Variants in ACBD6 observed in about 807,000 individuals in gnomAD.
ACBD6 encodes acyl-CoA-binding domain-containing protein 6.
Under a neutral mutation model 37.2 loss-of-function variants are expected in ACBD6, and 28 were observed. That is an observed-to-expected ratio of 0.75 (90% CI 0.56 to 1.03). The LOEUF is 1.03. Among genes scored for constraint, ACBD6 ranks in the 50% least tolerant of loss-of-function variants. The pLI is 0.00. For missense variants in ACBD6, 340 were observed against 337.4 expected, an observed-to-expected ratio of 1.01 and a Z score of -0.06; for synonymous variants, 113 against 126.8, an observed-to-expected ratio of 0.89 and a Z score of 0.73.
At chr1:180,299,519 C>T (rs565191117) in intron 7 of ACBD6, among the ~76,000 whole-genome samples, 2 of 152,256 alleles carry the variant, frequency 1.3e-5, no homozygotes, top group African/African-American at 4.8e-5. Context: ...GAGCAGTGAG[C>T]CTTCTGACTC....
chr1:180,357,619 C>T (rs1213793953), intron 6 of ACBD6, among the ~76,000 whole-genome samples: 1 of 152,196 alleles, frequency 6.6e-6, no homozygotes, highest in African/African-American at 2.4e-5. Context: ...TGATCTAAAA[C>T]AAGTGTTTTG....
rs527646926 is a variant in ACBD6 at position 180,465,441 on chromosome 1, C to T, written c.384+26828G>A. The stretch of plus-strand genomic sequence containing the variant: ...AACATCACTGATCATTCGAGAAATG[C>T]AAATCAAATCCACAATAAGATACCA... On this transcript the variant is annotated intron_variant, in intron 3 of 7. Transcript: ENST00000367595. Among the ~76,000 whole-genome samples the T allele has an allele frequency of 6.6e-5, 10 of 152,230 alleles. No homozygotes were observed. The South Asian group carries it at 2.1e-3, about 32-fold the overall frequency.
intron 7 of ACBD6, among the ~76,000 whole-genome samples, chr1:180,304,107 C>T (rs866244587): frequency 6.6e-6 from 1 of 150,804 alleles, no homozygotes; most frequent in South Asian, 2.1e-4. Flanking sequence ...GGACGTATCT[C>T]ATAATAATAA....
At chr1:180,277,767 CAACT>C (rs1383893389) in intron 9 of ACBD6, 1 of 151,720 alleles carries the variant, frequency 6.6e-6, no homozygotes. Context: ...AAATAAAGAT[CAACT>C]ATCATTGATA....
intron 3 of ACBD6, among the ~76,000 whole-genome samples, chr1:180,437,488 T>C (rs1649092398): frequency 6.6e-6 from 1 of 152,154 alleles, no homozygotes; most frequent in Non-Finnish European, 1.5e-5. Context: ...TCTTCTGTTG[T>C]TGTAGTGGTA....
At chr1:180,434,394 C>T (rs563111126) in intron 3 of ACBD6, among the ~76,000 whole-genome samples, 2 of 152,132 alleles carry the variant, frequency 1.3e-5, no homozygotes, top group Non-Finnish European at 2.9e-5. Flanking sequence ...GGAAATTTTA[C>T]ATTATGTAAA....
intron 3 of ACBD6, among the ~76,000 whole-genome samples, chr1:180,463,248 A>G (rs1435875616): frequency 6.6e-6 from 1 of 152,228 alleles, no homozygotes; most frequent in East Asian, 1.9e-4. Flanking sequence ...GGATATAGAC[A>G]TAAAACTCAT....
At chr1:180,331,293 C>T (rs822706) in intron 6 of ACBD6, among the ~76,000 whole-genome samples, 40,251 of 151,990 alleles carry the variant, frequency 0.26, 7,869 homozygotes, top group African/African-American at 0.54. Context: ...TCATTTTTGT[C>T]ATAATGTTAC....
chr1:180,304,058 G>C (rs1159485414), intron 7 of ACBD6, among the ~76,000 whole-genome samples: 4 of 150,442 alleles, frequency 2.7e-5, no homozygotes, highest in Non-Finnish European at 4.5e-5. Flanking sequence ...ATTCAACAAC[G>C]CTTCATGCTA....
chr1:180,445,369 T>C (rs1375806754), intron 3 of ACBD6, among the ~76,000 whole-genome samples: 1 of 152,168 alleles, frequency 6.6e-6, no homozygotes, highest in Non-Finnish European at 1.5e-5. Flanking sequence ...TCATAAAAAC[T>C]CTAACATACT....
intron 3 of ACBD6, among the ~76,000 whole-genome samples, chr1:180,475,636 T>C (rs923645573): frequency 7.9e-5 from 12 of 152,148 alleles, no homozygotes; most frequent in Admixed American, 5.2e-4. Context: ...CCTCCCATCC[T>C]GGCCTCCCGA....
At chr1:180,490,643 G>A (rs1173397751) in intron 3 of ACBD6, among the ~76,000 whole-genome samples, 2 of 151,682 alleles carry the variant, frequency 1.3e-5, no homozygotes, top group Non-Finnish European at 2.9e-5. Flanking sequence ...AAAATTAACC[G>A]GGTGTGGTGG....
chr1:180,490,751 A>AGAGTGT (rs1651463069), intron 3 of ACBD6, among the ~76,000 whole-genome samples: 1 of 149,898 alleles, frequency 6.7e-6, no homozygotes, highest in African/African-American at 2.5e-5. Context: ...GCGCCACTGC[A>AGAGTGT]CTCCAGCCTG....
intron 4 of ACBD6, among the ~76,000 whole-genome samples, chr1:180,419,330 T>C (rs1648250315): frequency 6.6e-6 from 1 of 152,252 alleles, no homozygotes. Context: ...ATTTCATTGA[T>C]TCTAAATGCA....
At chr1:180,501,786 G>A (rs1651987642) in intron 1 of ACBD6, among the ~76,000 whole-genome samples, 1 of 151,028 alleles carries the variant, frequency 6.6e-6, no homozygotes, top group Non-Finnish European at 1.5e-5. Flanking sequence ...CAAGATCACT[G>A]AATAAGTCAG....
chr1:180,324,563 G>C (rs1651188638), intron 6 of ACBD6, among the ~76,000 whole-genome samples: 1 of 151,778 alleles, frequency 6.6e-6, no homozygotes, highest in East Asian at 1.9e-4. Context: ...CCCATGTTTT[G>C]AAAAGTTATC....
At chr1:180,417,697 A>G (rs1200381635) in intron 4 of ACBD6, among the ~76,000 whole-genome samples, 2 of 152,114 alleles carry the variant, frequency 1.3e-5, no homozygotes, top group African/African-American at 4.8e-5. Context: ...TGCTTGATCT[A>G]CGGATCTTTT....
chr1:180,500,098 A>C (rs934953341), intron 1 of ACBD6, among the ~76,000 whole-genome samples: 1 of 151,686 alleles, frequency 6.6e-6, no homozygotes, highest in Non-Finnish European at 1.5e-5. Flanking sequence ...TGAGCAACGA[A>C]ACAAGATCCT....
chr1:180,357,377 T>A (rs4651063), intron 6 of ACBD6, among the ~76,000 whole-genome samples: 1 of 152,172 alleles, frequency 6.6e-6, no homozygotes, highest in Non-Finnish European at 1.5e-5. Context: ...AAAGAAACGG[T>A]AAGTCTTGAG....
Sources: gnomAD v4.1 joint callset for allele counts (sites outside exome capture counted in the v4.1 genomes callset) on GRCh38, gnomAD v4.1.1 for gene constraint, MANE v1.5 for transcripts, NCBI Gene and HGNC (gene_info 2026-07-23, HGNC 2026-07-21) for gene names.